BBS9: variants seen among roughly 807,000 people sequenced by gnomAD.
BBS9 encodes the protein protein PTHB1.
Under a neutral mutation model 117.7 loss-of-function variants are expected in BBS9, and 89 were observed. The observed-to-expected ratio is 0.76, with a 90% CI of 0.64 to 0.90. The LOEUF (loss-of-function observed/expected upper bound fraction) is 0.90, where lower values mean the gene tolerates loss of function less well. BBS9 is among the 40% of genes least tolerant of loss of function. The pLI, the probability that BBS9 is intolerant of heterozygous loss-of-function variation, is 0.00. For missense variants in BBS9, 982 were observed against 1,042.2 expected, an observed-to-expected ratio of 0.94 and a Z score of 0.80; for synonymous variants, 379 against 370.9, an observed-to-expected ratio of 1.02 and a Z score of -0.25.
At chr7:33,584,975 C>T (rs1860634780) in intron 21 of BBS9, among the ~76,000 whole-genome samples, 1 of 151,954 alleles carries the variant, frequency 6.6e-6, no homozygotes, top group Non-Finnish European at 1.5e-5. Context: ...TGAATTTTCC[C>T]AACTTTCAGA....
intron 20 of BBS9, among the ~76,000 whole-genome samples, chr7:33,515,616 T>G (rs995453980): frequency 1.3e-5 from 2 of 152,242 alleles, no homozygotes; most frequent in Admixed American, 6.5e-5. Flanking sequence ...TGTTTAATGC[T>G]CTCACAATAG....
At chr7:33,610,633 T>C (rs1864808688), downstream of BBS9, among the ~76,000 whole-genome samples, 1 of 152,026 alleles carries the variant, frequency 6.6e-6, no homozygotes, top group Admixed American at 6.6e-5. Context: ...CTCTTAACAG[T>C]CTCGCCTCTA....
chr7:33,421,703 T>C (rs1177349903), intron 19 of BBS9, among the ~76,000 whole-genome samples: 1 of 152,156 alleles, frequency 6.6e-6, no homozygotes, highest in East Asian at 1.9e-4. Context: ...AGTAGAGATC[T>C]TGGAACAATG....
At chr7:33,486,985 G>A (rs1044595488) in intron 19 of BBS9, among the ~76,000 whole-genome samples, 7 of 152,186 alleles carry the variant, frequency 4.6e-5, no homozygotes, top group Non-Finnish European at 5.9e-5. Context: ...GGGTATCTTC[G>A]TAATTTGTAT....
chr7:33,337,710 A>G (rs1434233723), intron 10 of BBS9, among the ~76,000 whole-genome samples: 2 of 152,034 alleles, frequency 1.3e-5, no homozygotes, highest in Non-Finnish European at 2.9e-5. Context: ...TTAAAATGGG[A>G]TGTGTCATAT....
intron 19 of BBS9, among the ~76,000 whole-genome samples, chr7:33,484,917 G>C (rs996272909): frequency 1.3e-5 from 2 of 152,142 alleles, no homozygotes; most frequent in African/African-American, 2.4e-5. Flanking sequence ...TGATAGCATG[G>C]ATAAATAAAA....
Position 33,554,814 on chromosome 7 carries a change from T to A in BBS9, c.2521+20638T>A, listed in dbSNP as rs80356412. 2.9e-3 allele frequency among the ~76,000 whole-genome samples: 439 copies of A among 152,232 alleles called. 5 individuals are homozygous for A. The highest frequency in any genetic ancestry group is 0.01 in the African/African-American group (425 of 41,530). ...GGAGAGAGAAAAGAGAGGAGGAGCT[T>A]GATCTAAATCTGGAGGCCTTCCAAC... On this transcript the variant is annotated intron_variant, in intron 21 of 22. Coordinates refer to ENST00000242067, the MANE Select transcript of BBS9 (RefSeq NM_198428.3).
chr7:33,308,304 T>C lies in BBS9; in HGVS notation c.1017-28137T>C, dbSNP rs542381379. Among the ~76,000 whole-genome samples the C allele has an allele frequency of 3.3e-5, 5 of 152,270 alleles. No homozygotes were observed. The South Asian group carries it at 1.0e-3, about 32-fold the overall frequency. On this transcript the variant is annotated intron_variant, in intron 9 of 22. Transcript: ENST00000242067. ...TCATTCCAGACCCCGCTTCTCTCTT[T>C]AGAGAACAAAATAAGGCCAGAATTA...
chr7:33,347,912 T>C (rs989743660), intron 12 of BBS9, among the ~76,000 whole-genome samples: 1 of 152,016 alleles, frequency 6.6e-6, no homozygotes, highest in African/African-American at 2.4e-5. Flanking sequence ...AGGTACCATA[T>C]AGAATGGTGG....
At chr7:33,199,282 A>G (rs759875003) in intron 5 of BBS9, among the ~76,000 whole-genome samples, 3 of 152,052 alleles carry the variant, frequency 2.0e-5, no homozygotes, top group Non-Finnish European at 4.4e-5. Flanking sequence ...AATAAATGTA[A>G]GTTTGACAAA....
At chr7:33,449,015 C>G (rs892899321) in intron 19 of BBS9, among the ~76,000 whole-genome samples, 2 of 152,232 alleles carry the variant, frequency 1.3e-5, no homozygotes, top group African/African-American at 4.8e-5. Flanking sequence ...CAAGGTCACA[C>G]AGCTCTTAGC....
chr7:33,355,814 C>T (rs995045387), intron 15 of BBS9, among the ~76,000 whole-genome samples: 2 of 151,734 alleles, frequency 1.3e-5, no homozygotes, highest in Non-Finnish European at 3.0e-5. Flanking sequence ...GCTCTGGGTT[C>T]GTGGAGATGT....
intron 6 of BBS9, among the ~76,000 whole-genome samples, chr7:33,262,222 T>C (rs1274326510): frequency 6.6e-6 from 1 of 152,204 alleles, no homozygotes; most frequent in South Asian, 2.1e-4. Flanking sequence ...CTCTGCCTGC[T>C]GTTTTAATGT....
Position 33,273,037 on chromosome 7 carries a change from A to G in BBS9, c.728A>G (p.Glu243Gly), listed in dbSNP as rs147656579. The change falls in exon 8 of 23, where the codon GAG becomes GGG. Residue 243 changes from glutamate to glycine, a missense_variant. Transcript: ENST00000242067. ...LVVDWTLNIG[E>G]QALDICIVSF... ...GTGGATTGGACTCTAAATATTGGAG[A>G]GCAAGCCCTTGACATATGTATTGTC... is the stretch of plus-strand genomic sequence containing the variant. 106 of 1,613,588 alleles carry G rather than the reference A, an allele frequency of 6.6e-5. 1 individual carries two copies. Among genetic ancestry groups the G allele is most frequent in the Middle Eastern group, 1.6e-4 (1 of 6,080 alleles).
chr7:33,130,146 TAA>T (rs1265974979), intron 1 of BBS9, 105 bp downstream of exon 1: 1 of 152,148 alleles, frequency 6.6e-6, no homozygotes, highest in Non-Finnish European at 1.5e-5. Flanking sequence ...TTGGAGTCTG[TAA>T]GGTGATTGAT....
At chr7:33,239,214 TAAA>T (rs1169911933) in intron 5 of BBS9, among the ~76,000 whole-genome samples, 1 of 152,044 alleles carries the variant, frequency 6.6e-6, no homozygotes, top group African/African-American at 2.4e-5. Context: ...ATAATAATAA[TAAA>T]AAATATATTG....
intron 9 of BBS9, among the ~76,000 whole-genome samples, chr7:33,287,824 G>T (rs186218906): frequency 2.6e-5 from 4 of 152,306 alleles, no homozygotes; most frequent in Admixed American, 2.0e-4. Flanking sequence ...AGGTTAAAAT[G>T]TTATTGTTTT....
chr7:33,294,341 C>T (rs1463622722), intron 9 of BBS9, among the ~76,000 whole-genome samples: 100 of 131,038 alleles, frequency 7.6e-4, no homozygotes, highest in African/African-American at 2.4e-3. Flanking sequence ...ATCTATCTAT[C>T]TATCTATCTA....
At chr7:33,542,579 T>C (rs1348642616) in intron 21 of BBS9, among the ~76,000 whole-genome samples, 1 of 152,160 alleles carries the variant, frequency 6.6e-6, no homozygotes, top group Non-Finnish European at 1.5e-5. Context: ...AAACATATGA[T>C]GTTTGGTTTT....
Sources: allele counts gnomAD v4.1 joint callset (sites outside exome capture counted in the v4.1 genomes callset), GRCh38; gene constraint gnomAD v4.1.1; transcripts MANE v1.5; gene names NCBI Gene and HGNC (gene_info 2026-07-23, HGNC 2026-07-21).